Variants in DCLK1 observed in about 807,000 individuals in gnomAD.
DCLK1 encodes serine/threonine-protein kinase DCLK1.
DCLK1 carries 16 observed loss-of-function variants against 86.2 expected under a neutral mutation model. That is an observed-to-expected ratio of 0.19 (90% CI 0.13 to 0.28). The LOEUF (loss-of-function observed/expected upper bound fraction) is 0.28, where lower values mean the gene tolerates loss of function less well. DCLK1 is among the 10% of genes least tolerant of loss of function. The pLI, the probability that DCLK1 is intolerant of heterozygous loss-of-function variation, is 1.00. For synonymous variants in DCLK1, 369 were observed against 370.5 expected, an observed-to-expected ratio of 1.00 and a Z score of 0.05; for missense variants, 590 against 940.2, an observed-to-expected ratio of 0.63 and a Z score of 4.87.
At position 36,111,937 on chromosome 13, in the gene DCLK1, C is replaced by T. The variant is rs1885633735; in HGVS notation, c.655G>A (p.Asp219Asn). 6.2e-7 allele frequency: 1 copy of T among 1,614,212 alleles called. No homozygotes were observed. Residue 219 changes from aspartate (D) to asparagine (N), a missense_variant, in exon 3 of 17, where the codon GAT becomes AAT. Around this residue, in one of 6 missense-constraint regions of DCLK1, gnomAD observed 195 missense variants for 365.1 expected, o/e 0.53. Coordinates refer to ENST00000360631, the MANE Select transcript of DCLK1 (RefSeq NM_001330071.2). ...TAHSFEQVLT[D>N]ITDAIKLDSG... ...TCCAGCTTGATGGCATCGGTGATAT[C>T]GGTGAGGACCTGCTCAAAGGAATGA...
intron 3 of DCLK1, among the ~76,000 whole-genome samples, chr13:36,083,542 G>A (rs1024829463): frequency 2.0e-5 from 3 of 152,198 alleles, no homozygotes; most frequent in East Asian, 1.9e-4. Flanking sequence ...CATAGGTACT[G>A]TAAATCTTAC....
chr13:36,076,708 G>T (rs1884227453), intron 3 of DCLK1, among the ~76,000 whole-genome samples: 1 of 152,154 alleles, frequency 6.6e-6, no homozygotes, highest in African/African-American at 2.4e-5. Context: ...GGGAAGAAGA[G>T]AAGTTCCGAT....
At chr13:35,818,584 T>C (rs571912693) in intron 11 of DCLK1, among the ~76,000 whole-genome samples, 2 of 152,222 alleles carry the variant, frequency 1.3e-5, no homozygotes, top group Admixed American at 6.5e-5. Flanking sequence ...ACTATGTTTG[T>C]TTCTGGAATC....
At chr13:35,785,582 T>C (rs1330729737) in intron 16 of DCLK1, among the ~76,000 whole-genome samples, 1 of 152,112 alleles carries the variant, frequency 6.6e-6, no homozygotes, top group Non-Finnish European at 1.5e-5. Context: ...ACTATTTGTC[T>C]ACAATCACCA....
intron 3 of DCLK1, among the ~76,000 whole-genome samples, chr13:35,993,588 C>T (rs953863265): frequency 6.7e-6 from 1 of 150,010 alleles, no homozygotes; most frequent in East Asian, 2.0e-4. Flanking sequence ...CCTCAGTTTC[C>T]GCATCTACAC....
rs2087014141 is a variant in DCLK1, at chr13:35,805,731, C to T, written c.1912G>A (p.Ala638Thr). 1 of 1,613,662 alleles carries T rather than the reference C, an allele frequency of 6.2e-7. No homozygotes were observed. Among genetic ancestry groups the T allele is most frequent in the African/African-American group, 1.3e-5 (1 of 74,884 alleles). ...LLVDVDQRFS[A>T]VQVLEHPWVN... ...CAGGGATGCTCAAGTACTTGAACAG[C>T]AGAAAATCGCTGATCTACATCGACC... is the stretch of plus-strand genomic sequence containing the variant. Residue 638 changes from alanine to threonine, a missense_variant, in exon 15 of 17, where the codon GCT (alanine) becomes ACT (threonine). Physicochemically the swap from Ala to Thr is moderately conservative, Grantham distance 58. Transcript: ENST00000360631.
At chr13:35,850,938 A>G (rs560403204) in intron 6 of DCLK1, among the ~76,000 whole-genome samples, 5 of 152,338 alleles carry the variant, frequency 3.3e-5, no homozygotes, top group African/African-American at 1.2e-4. Context: ...TAGAGAAACC[A>G]TCTAAATAAA....
chr13:35,973,332 C>T (rs1879161495), intron 3 of DCLK1, among the ~76,000 whole-genome samples: 1 of 152,202 alleles, frequency 6.6e-6, no homozygotes, highest in Non-Finnish European at 1.5e-5. Context: ...TTTTGCCCCT[C>T]CTGGGAAGAC....
At chr13:35,826,939 A>T (rs182496414) in intron 10 of DCLK1, among the ~76,000 whole-genome samples, 122 of 152,314 alleles carry the variant, frequency 8.0e-4, no homozygotes, top group African/African-American at 2.9e-3. Context: ...AAGACTTGAG[A>T]ACACAACAGC....
Position 36,095,960 on chromosome 13 carries a change from CTAAA to C in DCLK1, c.723+15905_723+15908del, listed in dbSNP as rs914343597. On this transcript the variant is annotated intron_variant, in intron 3 of 16. Coordinates refer to ENST00000360631, the MANE Select transcript of DCLK1 (RefSeq NM_001330071.2). ...TACAATAAACCATATAATAAACAAA[CTAAA>C]TCACTATTTTATTTAATTTCAATTT... Among the ~76,000 whole-genome samples, 181 of 152,252 alleles carry C rather than the reference CTAAA, an allele frequency of 1.2e-3. 1 individual carries two copies. Among genetic ancestry groups the C allele is most frequent in the African/African-American group, 4.2e-3 (174 of 41,558 alleles).
chr13:35,834,470 C>A (rs1480894402), intron 8 of DCLK1, among the ~76,000 whole-genome samples: 1 of 152,136 alleles, frequency 6.6e-6, no homozygotes, highest in African/African-American at 2.4e-5. Context: ...ACCTGACTGA[C>A]CTTGGGCGCT....
intron 3 of DCLK1, among the ~76,000 whole-genome samples, chr13:36,013,808 C>T (rs12871905): frequency 0.062 from 9,511 of 152,240 alleles, 387 homozygotes; most frequent in Non-Finnish European, 0.095. Flanking sequence ...TGGGCAATGG[C>T]GGGCGCCCCT....
chr13:35,885,889 G>A (rs1873198776), intron 4 of DCLK1, among the ~76,000 whole-genome samples: 1 of 152,088 alleles, frequency 6.6e-6, no homozygotes, highest in South Asian at 2.1e-4. Flanking sequence ...TTACTATAGT[G>A]ATGGTGATGT....
intron 4 of DCLK1, among the ~76,000 whole-genome samples, chr13:35,872,033 C>A (rs563974914): frequency 2.7e-4 from 41 of 152,294 alleles, no homozygotes; most frequent in African/African-American, 9.6e-4. Context: ...TGTTCATGTC[C>A]ATTATATTCA....
intron 15 of DCLK1, among the ~76,000 whole-genome samples, chr13:35,798,301 G>T (rs536750075): frequency 6.6e-6 from 1 of 152,118 alleles, no homozygotes; most frequent in African/African-American, 2.4e-5. Flanking sequence ...CATTTCAGGC[G>T]TCATGCTTTA....
intron 3 of DCLK1, among the ~76,000 whole-genome samples, chr13:36,100,532 C>G (rs1011594217): frequency 6.6e-6 from 1 of 152,164 alleles, no homozygotes; most frequent in Non-Finnish European, 1.5e-5. Context: ...ACGACAGAAA[C>G]GAACCTTTTA....
intron 4 of DCLK1, 68 bp downstream of exon 4, chr13:35,947,290 G>T: frequency 1.6e-6 from 2 of 1,235,338 alleles, no homozygotes; most frequent in Non-Finnish European, 2.3e-6. Flanking sequence ...CATAATCTTG[G>T]CCTGGTGCAG....
At chr13:35,924,944 T>C (rs143383814) in intron 4 of DCLK1, among the ~76,000 whole-genome samples, 162 of 152,316 alleles carry the variant, frequency 1.1e-3, no homozygotes, top group Middle Eastern at 0.01. Flanking sequence ...AGCTGAGTAG[T>C]TGCAACAGAG....
chr13:35,954,634 T>C (rs1321674486), intron 3 of DCLK1, among the ~76,000 whole-genome samples: 1 of 152,178 alleles, frequency 6.6e-6, no homozygotes, highest in Non-Finnish European at 1.5e-5. Flanking sequence ...GATAAATTTA[T>C]GAAAGTGATA....
Sources: allele counts gnomAD v4.1 joint callset (sites outside exome capture counted in the v4.1 genomes callset), GRCh38; gene constraint gnomAD v4.1.1; regional missense constraint gnomAD v4.1.1; transcripts MANE v1.5; gene names NCBI Gene and HGNC (gene_info 2026-07-23, HGNC 2026-07-21).